Variants in HS3ST4 observed in about 807,000 individuals in gnomAD.
The protein encoded by HS3ST4 is heparan sulfate glucosamine 3-O-sulfotransferase 4.
HS3ST4 carries 17 observed loss-of-function variants against 29.2 expected under a neutral mutation model. The ratio of observed to expected loss-of-function variants is 0.58; its 90% CI spans 0.40 to 0.87. HS3ST4 has a LOEUF of 0.87. Ranked by LOEUF, HS3ST4 falls within the 40% of genes least tolerant of loss-of-function variation. The pLI, the probability that HS3ST4 is intolerant of heterozygous loss-of-function variation, is 0.00. For missense variants in HS3ST4, 627 were observed against 634.5 expected (o/e 0.99, Z 0.13); for synonymous variants, 314 against 285.7 (o/e 1.10, Z -1.00).
intron 1 of HS3ST4, among the ~76,000 whole-genome samples, chr16:25,830,344 A>T (rs1431589445): frequency 1.3e-5 from 2 of 152,140 alleles, no homozygotes; most frequent in African/African-American, 4.8e-5. Flanking sequence ...TGGCTTTTGT[A>T]AATTTTATCA....
chr16:25,788,544 C>CT (rs565611368), intron 1 of HS3ST4, among the ~76,000 whole-genome samples: 46,917 of 122,850 alleles, frequency 0.38, 10,508 homozygotes, highest in East Asian at 0.49. Flanking sequence ...TTTCTTCTTT[C>CT]TTTTTTTTTT....
In HS3ST4 at chr16:26,116,602, G is replaced by A. The variant is rs144508095; in HGVS notation, c.735-19010G>A. On this transcript the variant is annotated intron_variant, in intron 1 of 1. Coordinates refer to ENST00000331351, the MANE Select transcript of HS3ST4 (RefSeq NM_006040.3). Reference sequence around the variant, plus strand: ...GTCCATGATAGCAATAACATATGTAGCATCTGATAATGATAGAGTGTCATC... The same window carrying A: ...GTCCATGATAGCAATAACATATGTAACATCTGATAATGATAGAGTGTCATC... Among the ~76,000 whole-genome samples the A allele has an allele frequency of 6.5e-3, 986 of 152,204 alleles. 2 individuals carry two copies. The highest frequency in any genetic ancestry group is 0.011 in the Non-Finnish European group (736 of 67,994).
chr16:25,805,028 A>G (rs1312350374), intron 1 of HS3ST4, among the ~76,000 whole-genome samples: 1 of 152,146 alleles, frequency 6.6e-6, no homozygotes, highest in Non-Finnish European at 1.5e-5. Context: ...GGACCAAAGC[A>G]GTTCCATCAT....
intron 1 of HS3ST4, among the ~76,000 whole-genome samples, chr16:26,053,997 A>G (rs1229613824): frequency 1.3e-5 from 2 of 152,134 alleles, no homozygotes; most frequent in African/African-American, 4.8e-5. Flanking sequence ...CACCACAAAG[A>G]CAAGGAAAAG....
intron 1 of HS3ST4, among the ~76,000 whole-genome samples, chr16:25,753,304 G>A (rs1966733517): frequency 6.6e-6 from 1 of 152,152 alleles, no homozygotes; most frequent in African/African-American, 2.4e-5. Flanking sequence ...ACATTTTCAC[G>A]GGGCTGATGG....
chr16:25,953,804 A>C (rs1968703126), intron 1 of HS3ST4, among the ~76,000 whole-genome samples: 1 of 152,160 alleles, frequency 6.6e-6, no homozygotes, highest in Non-Finnish European at 1.5e-5. Flanking sequence ...ATTATATTGG[A>C]TCCATCCTGC....
intron 1 of HS3ST4, among the ~76,000 whole-genome samples, chr16:25,962,242 T>C (rs1382723444): frequency 2.0e-5 from 3 of 152,008 alleles, no homozygotes; most frequent in Non-Finnish European, 4.4e-5. Flanking sequence ...GCTGTAGGGG[T>C]CACTTTAACT....
chr16:26,110,604 C>G (rs889924279), intron 1 of HS3ST4, among the ~76,000 whole-genome samples: 1 of 152,174 alleles, frequency 6.6e-6, no homozygotes, highest in South Asian at 2.1e-4. Flanking sequence ...CCCACTTCAC[C>G]GCTCTCATCG....
At chr16:25,743,055 A>G (rs566398096) in intron 1 of HS3ST4, among the ~76,000 whole-genome samples, 13 of 152,334 alleles carry the variant, frequency 8.5e-5, no homozygotes, top group African/African-American at 3.1e-4. Context: ...AAGTAAGTCC[A>G]CGATACCCAG....
intron 1 of HS3ST4, among the ~76,000 whole-genome samples, chr16:25,902,048 G>A (rs1403301147): frequency 6.6e-6 from 1 of 152,106 alleles, no homozygotes; most frequent in Non-Finnish European, 1.5e-5. Context: ...ACCACGATAT[G>A]GGTGTTAATC....
chr16:25,722,652 A>C (rs1046265251), intron 1 of HS3ST4, among the ~76,000 whole-genome samples: 4 of 152,222 alleles, frequency 2.6e-5, no homozygotes, highest in African/African-American at 9.6e-5. Context: ...ACAGCCTTGA[A>C]AACACAGGGC....
chr16:25,858,409 C>G (rs1216568511), intron 1 of HS3ST4, among the ~76,000 whole-genome samples: 3 of 152,142 alleles, frequency 2.0e-5, no homozygotes, highest in African/African-American at 4.8e-5. Flanking sequence ...TGATAAAGAT[C>G]TAGCTCACTT....
intron 1 of HS3ST4, among the ~76,000 whole-genome samples, chr16:25,836,045 G>A (rs1442893278): frequency 6.6e-6 from 1 of 152,096 alleles, no homozygotes; most frequent in East Asian, 1.9e-4. Flanking sequence ...GGAACAAGCT[G>A]GTCTCTTCTG....
intron 1 of HS3ST4, among the ~76,000 whole-genome samples, chr16:25,778,954 T>C (rs1966850262): frequency 1.3e-5 from 2 of 152,194 alleles, no homozygotes; most frequent in South Asian, 4.1e-4. Context: ...TTGGACTTAC[T>C]AGCCCCCATA....
chr16:25,906,049 T>G (rs1733965090), intron 1 of HS3ST4, among the ~76,000 whole-genome samples: 1 of 152,140 alleles, frequency 6.6e-6, no homozygotes. Flanking sequence ...ACTGTAAAGG[T>G]CTTTTAAAAT....
At chr16:25,871,105 A>G (rs1298499483) in intron 1 of HS3ST4, among the ~76,000 whole-genome samples, 1 of 152,212 alleles carries the variant, frequency 6.6e-6, no homozygotes, top group Non-Finnish European at 1.5e-5. Context: ...AGCAGATGAC[A>G]ATACAGGATG....
chr16:26,103,917 A>G (rs920194905), intron 1 of HS3ST4, among the ~76,000 whole-genome samples: 1 of 152,242 alleles, frequency 6.6e-6, no homozygotes, highest in African/African-American at 2.4e-5. Flanking sequence ...CATCTTTCAT[A>G]TATTGTGAAA....
chr16:26,046,022 C>T (rs1898260447), intron 1 of HS3ST4, among the ~76,000 whole-genome samples: 1 of 151,994 alleles, frequency 6.6e-6, no homozygotes, highest in South Asian at 2.1e-4. Flanking sequence ...CAAAAAATTA[C>T]TCTTGTTGCC....
chr16:25,788,891 G>A (rs1966862177), intron 1 of HS3ST4, among the ~76,000 whole-genome samples: 1 of 152,058 alleles, frequency 6.6e-6, no homozygotes, highest in South Asian at 2.1e-4. Context: ...TGATAGCAAT[G>A]CCAAGATTAT....
Sources: allele counts gnomAD v4.1 joint callset (sites outside exome capture counted in the v4.1 genomes callset), GRCh38; gene constraint gnomAD v4.1.1; transcripts MANE v1.5; gene names NCBI Gene and HGNC (gene_info 2026-07-23, HGNC 2026-07-21).